The following SLC14A1 variants were observed in gnomAD, a reference collection of about 807,000 sequenced individuals.
The protein encoded by SLC14A1 is solute carrier family 14 member 1 (Kidd blood group).
Under a neutral mutation model 39.6 loss-of-function variants are expected in SLC14A1, and 36 were observed. The ratio of observed to expected loss-of-function variants is 0.91; its 90% CI spans 0.70 to 1.20. The LOEUF (loss-of-function observed/expected upper bound fraction) is 1.20, where lower values mean the gene tolerates loss of function less well. Among genes scored for constraint, SLC14A1 ranks in the 50% most tolerant of loss-of-function variants. The pLI is 0.00. For synonymous variants in SLC14A1, 164 were observed against 173.6 expected, an observed-to-expected ratio of 0.94 and a Z score of 0.43; for missense variants, 469 against 478.7, an observed-to-expected ratio of 0.98 and a Z score of 0.19.
At chr18:45,744,167 C>T (rs919294012) in intron 8 of SLC14A1, among the ~76,000 whole-genome samples, 1 of 152,170 alleles carries the variant, frequency 6.6e-6, no homozygotes, top group Non-Finnish European at 1.5e-5. Flanking sequence ...CATGCACCAC[C>T]ATGCCCAGCT....
rs200338176 is a variant in SLC14A1 at position 45,742,335 on chromosome 18, GTTGTTTT to G, written c.946+2684_946+2690del. Among the ~76,000 whole-genome samples the G allele has an allele frequency of 5.8e-4, 83 of 142,676 alleles. 1 individual carries two copies. The highest frequency in any genetic ancestry group is 1.9e-3 in the African/African-American group (74 of 38,276). 93.6% of individuals were successfully genotyped at this position (142,676 alleles called of 152,430 possible). On this transcript the variant is annotated intron_variant, in intron 8 of 9. Transcript: ENST00000321925. The stretch of plus-strand genomic sequence containing the variant: ...AGGTTTTTGTTTTTCTGGGTTTTTT[GTTGTTTT>G]TTGTTTTTTGGTTTTTTTTTTTTTT...
At chr18:45,731,845 G>A (rs2047039506) in intron 4 of SLC14A1, among the ~76,000 whole-genome samples, 1 of 152,226 alleles carries the variant, frequency 6.6e-6, no homozygotes, top group Admixed American at 6.5e-5. Context: ...CCTTTAGGGA[G>A]GGAACCAGTA....
intron 2 of SLC14A1, chr18:45,726,745 G>A (rs1218617308): frequency 3.9e-5 from 6 of 152,860 alleles, no homozygotes; most frequent in African/African-American, 1.4e-4. Context: ...AGCGTGGCTA[G>A]TATCTTATTA....
chr18:45,736,431 T>A (rs1289530826), intron 5 of SLC14A1, 25 bp from the exon 6 acceptor site: 1 of 1,612,602 alleles, frequency 6.2e-7, no homozygotes, highest in East Asian at 2.2e-5. Flanking sequence ...CACATGCACA[T>A]TCTTTTGCTC....
At position 45,750,021 on chromosome 18, in the gene SLC14A1, C is replaced by A; in HGVS notation, c.*70C>A. The A allele has an allele frequency of 6.2e-7, 1 of 1,612,836 alleles. No individual in the cohort carries two copies. The highest frequency in any genetic ancestry group is 1.1e-5 in the South Asian group (1 of 91,002). Reference sequence around the variant, plus strand: ...GACTGCTCCAGCTAACTTCCAGGGTCTCAGCAAACTGCTGTTTTTCACGAG... The same window carrying A: ...GACTGCTCCAGCTAACTTCCAGGGTATCAGCAAACTGCTGTTTTTCACGAG... On this transcript the variant is annotated 3_prime_UTR_variant, in exon 10 of 10. Transcript: ENST00000321925.
chr18:45,731,589 T>C lies in SLC14A1; in HGVS notation c.341+385T>C, dbSNP rs760342482. On this transcript the variant is annotated intron_variant, in intron 4 of 9. Coordinates refer to ENST00000321925, the MANE Select transcript of SLC14A1 (RefSeq NM_015865.7). ...TTTAGTGGCTTAATAACCCCCGTTA[T>C]ATCTTGTTGCTATGATGAGTTTAGG... The C allele has an allele frequency of 4.1e-4, 139 of 335,314 alleles. 1 individual carries two copies. The highest frequency in any genetic ancestry group is 6.4e-4 in the Non-Finnish European group (110 of 171,846). 20.8% of individuals were successfully genotyped at this position (335,314 alleles called of 1,614,324 possible). A position where few individuals can be genotyped will look rare whatever the true frequency, so the allele number is the denominator to read the frequency against.
At position 45,751,991 on chromosome 18, in the gene SLC14A1, A is replaced by C; in HGVS notation, c.*2040A>C. ...AACAGAAATAGGGAAGTAAACCTACAAATATTTTAGGGAGAAGCTCACTTC... is the reference window on the plus strand; with the variant it reads ...AACAGAAATAGGGAAGTAAACCTACCAATATTTTAGGGAGAAGCTCACTTC... On this transcript the variant is annotated 3_prime_UTR_variant, in exon 10 of 10. Transcript: ENST00000321925. The C allele has an allele frequency of 1.0e-6, 1 of 985,392 alleles. No homozygotes were observed. The highest frequency in any genetic ancestry group is 1.2e-6 in the Non-Finnish European group (1 of 829,916). The allele number at this position is 985,392 out of a possible 1,614,324, so 61.0% of individuals were successfully genotyped here. A position where few individuals can be genotyped will look rare whatever the true frequency, so the allele number is the denominator to read the frequency against.
intron 4 of SLC14A1, among the ~76,000 whole-genome samples, chr18:45,732,004 T>C (rs1036744949): frequency 6.6e-6 from 1 of 152,062 alleles, no homozygotes; most frequent in South Asian, 2.1e-4. Flanking sequence ...TTTCAAGGAG[T>C]CTGATTTGCT....
chr18:45,730,864 A>C, intron 3 of SLC14A1, 151 bp from the exon 4 acceptor site: 1 of 739,274 alleles, frequency 1.4e-6, no homozygotes, highest in Non-Finnish European at 2.4e-6. Flanking sequence ...GGGTGCCACT[A>C]ATGCAACAAT....
chr18:45,725,109 A>G (rs2046828603), intron 2 of SLC14A1, 96 bp downstream of exon 2: 1 of 152,240 alleles, frequency 6.6e-6, no homozygotes, highest in Non-Finnish European at 1.5e-5. Context: ...CCAACACTTC[A>G]TATTATTTTT....
At chr18:45,727,457 G>A in intron 2 of SLC14A1, 1 of 1,520,908 alleles carries the variant, frequency 6.6e-7, no homozygotes, top group Admixed American at 2.0e-5. Flanking sequence ...CGGGGAACCT[G>A]GGAGCCTGCT....
chr18:45,739,813 G>GT, intron 8 of SLC14A1, 151 bp downstream of exon 8: 2 of 918,680 alleles, frequency 2.2e-6, no homozygotes, highest in South Asian at 2.8e-5. Flanking sequence ...GACAAGTGAC[G>GT]TCCCCTCTCT....
At chr18:45,742,353 GTTTTTTTTT>G in intron 8 of SLC14A1, among the ~76,000 whole-genome samples, 1 of 118,022 alleles carries the variant, frequency 8.5e-6, no homozygotes, top group South Asian at 2.8e-4. Context: ...TTGTTTTTTG[GTTTTTTTTT>G]TTTTTTTTTT....
chr18:45,727,382 G>A (rs1019919637), intron 2 of SLC14A1: 3 of 1,550,390 alleles, frequency 1.9e-6, no homozygotes, highest in Non-Finnish European at 2.6e-6. Context: ...GCATCGCCCG[G>A]CTAAGCTTGG....
chr18:45,727,955 G>C (rs1032648884), intron 2 of SLC14A1, among the ~76,000 whole-genome samples: 1 of 152,166 alleles, frequency 6.6e-6, no homozygotes, highest in Non-Finnish European at 1.5e-5. Flanking sequence ...AGGGGCTCTA[G>C]AAGGGTTCAG....
Position 45,751,123 on chromosome 18 carries a change from T to C in SLC14A1, c.*1172T>C. 8 of 746,232 alleles carry C rather than the reference T, an allele frequency of 1.1e-5. No individual in the cohort carries two copies. Among genetic ancestry groups the C allele is most frequent in the Non-Finnish European group, 1.3e-5 (8 of 611,672 alleles). 46.2% of individuals were successfully genotyped at this position (746,232 alleles called of 1,614,324 possible). On this transcript the variant is annotated 3_prime_UTR_variant, in exon 10 of 10. Coordinates refer to ENST00000321925, the MANE Select transcript of SLC14A1 (RefSeq NM_015865.7). ...GGGGAGCCCAGGCGGGCAGATTGCT[T>C]GAACCCAGGAGTTCAAGACCAGCCT...
At chr18:45,749,753 C>T (rs370935765) in intron 9 of SLC14A1, 25 bp from the exon 10 acceptor site, 23 of 1,613,824 alleles carry the variant, frequency 1.4e-5, no homozygotes, top group African/African-American at 6.7e-5. Context: ...CTGAAAGGAG[C>T]GTGTGGCTTT....
At chr18:45,747,655 A>G (rs978218607) in intron 8 of SLC14A1, among the ~76,000 whole-genome samples, 15 of 152,222 alleles carry the variant, frequency 9.9e-5, no homozygotes, top group Admixed American at 5.2e-4. Context: ...AGATCACGCC[A>G]GTGCCCTCCA....
chr18:45,731,883 T>C (rs1017950361), intron 4 of SLC14A1, among the ~76,000 whole-genome samples: 5 of 152,290 alleles, frequency 3.3e-5, no homozygotes, highest in South Asian at 2.1e-4. Flanking sequence ...CAACGCATAA[T>C]CCCAATCCCC....
Sources: gnomAD v4.1 joint callset for allele counts (sites outside exome capture counted in the v4.1 genomes callset) on GRCh38, gnomAD v4.1.1 for gene constraint, MANE v1.5 for transcripts, NCBI Gene and HGNC (gene_info 2026-07-23, HGNC 2026-07-21) for gene names.